The following TMPRSS6 variants were observed in gnomAD, a reference collection of about 807,000 sequenced individuals.
TMPRSS6 encodes the protein transmembrane serine protease 6, also known as transmembrane protease serine 6.
Under a neutral mutation model 101.5 loss-of-function variants are expected in TMPRSS6, and 67 were observed. The ratio of observed to expected loss-of-function variants is 0.66; its 90% CI spans 0.54 to 0.81. The LOEUF (loss-of-function observed/expected upper bound fraction) is 0.81. Ranked by LOEUF, TMPRSS6 falls within the 30% of genes least tolerant of loss-of-function variation. TMPRSS6 has a pLI of 0.00. For missense variants in TMPRSS6, 1,034 were observed against 1,088.7 expected (o/e 0.95, Z 0.71); for synonymous variants, 453 against 464.9 (o/e 0.97, Z 0.33).
Position 37,103,604 on chromosome 22 carries a change from C to A in TMPRSS6, c.-1-186G>T. On this transcript the variant is annotated intron_variant, in intron 1 of 17. Transcript: ENST00000676104. This position sits in a 1 kb window ranked among gnomAD's most constrained non-coding sequence, Gnocchi z 4.4. Reference sequence around the variant, plus strand: ...CAGAGGAGGGAAGTGCATCTCAGGTCAGCTCGCACCAGAGGGCAGGCACCA... The same window carrying A: ...CAGAGGAGGGAAGTGCATCTCAGGTAAGCTCGCACCAGAGGGCAGGCACCA... 2 of 1,608,734 alleles carry A rather than the reference C, an allele frequency of 1.2e-6. No individual in the cohort carries two copies. The highest frequency in any genetic ancestry group is 2.2e-5 in the South Asian group (2 of 90,938).
chr22:37,086,941 C>T (rs1928838589), intron 7 of TMPRSS6, among the ~76,000 whole-genome samples: 1 of 152,184 alleles, frequency 6.6e-6, no homozygotes, highest in Non-Finnish European at 1.5e-5. Flanking sequence ...GAACAAATAA[C>T]CGTATCTTAG....
At position 37,089,732 on chromosome 22, in the gene TMPRSS6, C is replaced by A; in HGVS notation, c.682G>T (p.Gly228Trp). The change falls in exon 7 of 18, where the codon GGG (glycine) becomes TGG (tryptophan). Residue 228 changes from glycine to tryptophan, a missense_variant. Gly to Trp is a radical substitution (Grantham distance 184, BLOSUM62 -2). Transcript: ENST00000676104. ...VGQGQVLRLK[G>W]PDHLASSCLW... ...CAGCTGGAGGCCAGGTGGTCAGGCC[C>A]CTTCAGCCGGAGGACCTGGCCCTGG... The A allele has an allele frequency of 1.2e-6, 2 of 1,612,576 alleles. No homozygotes were observed. Among genetic ancestry groups the A allele is most frequent in the African/African-American group, 1.3e-5 (1 of 75,056 alleles).
rs894758653 is a variant in TMPRSS6 at position 37,075,413 on chromosome 22, C to G, written c.1197-133G>C. ...CGCTGTGCCTCCTCTGCCCTGATTT[C>G]TCCCTTAGATGAGTGCACCCCCAGA... On this transcript the variant is annotated intron_variant, in intron 10 of 17. Transcript: ENST00000676104. 4.8e-6 allele frequency: 6 copies of G among 1,245,924 alleles called. No individual in the cohort carries two copies. In the African/African-American group the frequency reaches 8.9e-5, roughly 18 times the overall value. The allele number at this position is 1,245,924 out of a possible 1,614,324, so 77.2% of individuals were successfully genotyped here.
chr22:37,094,835 C>T (rs111629006), intron 6 of TMPRSS6, among the ~76,000 whole-genome samples: 2,509 of 152,274 alleles, frequency 0.016, 27 homozygotes, highest in Non-Finnish European at 0.024. Context: ...ACGCTCACCC[C>T]CACCTTGGCT....
At chr22:37,070,284 T>C (rs919343119) in intron 15 of TMPRSS6, among the ~76,000 whole-genome samples, 200 bp downstream of exon 15, 1 of 152,152 alleles carries the variant, frequency 6.6e-6, no homozygotes, top group Admixed American at 6.5e-5. Context: ...CAAAAGTAGA[T>C]GGCAGAGAGG....
At chr22:37,108,358 C>T (rs1264228355) in intron 1 of TMPRSS6, among the ~76,000 whole-genome samples, 1 of 152,198 alleles carries the variant, frequency 6.6e-6, no homozygotes, top group Non-Finnish European at 1.5e-5. Context: ...CTAGAAGGGG[C>T]GGCTGCCCCT....
rs1929847689 is a variant in TMPRSS6, at chr22:37,097,242, GGGCAGCCTCA to G, written c.337-537_337-528del. ...ACCCCTACCTCATGGAGGAGGAAAC[GGGCAGCCTCA>G]GGCTGGGTCCCTCAGAAGCAGACCC... is the stretch of plus-strand genomic sequence containing the variant. On this transcript the variant is annotated intron_variant, in intron 3 of 17. Coordinates refer to ENST00000676104, the MANE Select transcript of TMPRSS6 (RefSeq NM_001374504.1). 2.0e-5 allele frequency among the ~76,000 whole-genome samples: 3 copies of G among 152,226 alleles called. No individual in the cohort carries two copies. The South Asian group carries it at 6.2e-4, about 31-fold the overall frequency.
At chr22:37,094,163 A>G (rs1929526785) in intron 6 of TMPRSS6, among the ~76,000 whole-genome samples, 1 of 152,126 alleles carries the variant, frequency 6.6e-6, no homozygotes, top group African/African-American at 2.4e-5. Context: ...CTCAGGAGTA[A>G]TATCTCTGAC....
rs1188133885 is a variant in TMPRSS6, at chr22:37,070,540, C to T, written c.1785G>A (p.Gly595=). Residue 595 remains glycine, a synonymous_variant, in exon 15 of 18, where the codon GGG becomes GGA. Coordinates refer to ENST00000676104, the MANE Select transcript of TMPRSS6 (RefSeq NM_001374504.1). ...TCACCCAGCGGTCAGCGATGAGGGCCCCCCCACAGATGTGTCGACCCCGAA... is the reference window on the plus strand; with the variant it reads ...TCACCCAGCGGTCAGCGATGAGGGCTCCCCCACAGATGTGTCGACCCCGAA... The part of the protein sequence containing the change: ...LQVRGRHICG[G]ALIADRWVIT... 1 of 1,613,404 alleles carries T rather than the reference C, an allele frequency of 6.2e-7. No individual in the cohort carries two copies. Among genetic ancestry groups the T allele is most frequent in the Non-Finnish European group, 8.5e-7 (1 of 1,180,018 alleles).
chr22:37,103,296 T>G lies in TMPRSS6; in HGVS notation c.122A>C (p.Tyr41Ser). The change falls in exon 2 of 18, where the codon TAC (tyrosine) becomes TCC (serine). Residue 41 changes from tyrosine to serine, a missense_variant. Coordinates refer to ENST00000676104, the MANE Select transcript of TMPRSS6 (RefSeq NM_001374504.1). This position sits in a 1 kb window ranked among gnomAD's most constrained non-coding sequence, Gnocchi z 4.4. ...CACAAACAGGGGCACCAGGCGGAGG[T>G]AGCCCCGGGCTTTTCTCTTGGAGTC... Reference protein sequence around the residue: ...CEDSKRKARGYLRLVPLFVLL... With the variant: ...CEDSKRKARGSLRLVPLFVLL... 6 of 1,614,038 alleles carry G rather than the reference T, an allele frequency of 3.7e-6. No homozygotes were observed. The highest frequency in any genetic ancestry group is 5.1e-6 in the Non-Finnish European group (6 of 1,179,974).
rs1229930960 is a variant in TMPRSS6, at chr22:37,069,876, A to C, written c.1842-532T>G. Among the ~76,000 whole-genome samples the C allele has an allele frequency of 6.6e-6, 1 of 152,142 alleles. No homozygotes were observed. The highest frequency in any genetic ancestry group is 1.5e-5 in the Non-Finnish European group (1 of 68,008). ...GGGTCTCTACCCTCTACCTGAGGGC[A>C]GTGGGGAGCCTGAGATGGGGTTAAA... is the stretch of plus-strand genomic sequence containing the variant. On this transcript the variant is annotated intron_variant, in intron 15 of 17. Coordinates refer to ENST00000676104, the MANE Select transcript of TMPRSS6 (RefSeq NM_001374504.1). The surrounding 1 kb of genome is among the most constrained non-coding windows in gnomAD (Gnocchi z 4.8).
intron 7 of TMPRSS6, among the ~76,000 whole-genome samples, chr22:37,088,760 G>A (rs977111262): frequency 1.1e-4 from 16 of 152,150 alleles, no homozygotes; most frequent in African/African-American, 1.7e-4. Flanking sequence ...TGCCTTTTGC[G>A]GCCCAGTCCC....
chr22:37,096,752 TGCAGG>T, intron 3 of TMPRSS6, 37 bp from the exon 4 acceptor site: 1 of 1,552,188 alleles, frequency 6.4e-7, no homozygotes, highest in Non-Finnish European at 8.7e-7. Context: ...TGGGACCCTC[TGCAGG>T]GCAGACAGGC....
intron 9 of TMPRSS6, 71 bp from the exon 10 acceptor site, chr22:37,084,475 A>T: frequency 1.8e-6 from 2 of 1,127,744 alleles, no homozygotes; most frequent in South Asian, 2.6e-5. Context: ...CCTCCCTAAC[A>T]ACAAAGAGAA....
In TMPRSS6 at chr22:37,101,061, G is replaced by A. The variant is rs1382890073; in HGVS notation, c.202+2155C>T. ...GGAGCCAGGTTGGAAAGGGCACAGAGAGACTGGGTGTGTGGACTGACAGCT... is the reference window on the plus strand; with the variant it reads ...GGAGCCAGGTTGGAAAGGGCACAGAAAGACTGGGTGTGTGGACTGACAGCT... On this transcript the variant is annotated intron_variant, in intron 2 of 17. Coordinates refer to ENST00000676104, the MANE Select transcript of TMPRSS6 (RefSeq NM_001374504.1). The surrounding 1 kb of genome is among the most constrained non-coding windows in gnomAD (Gnocchi z 4.1). 6.6e-6 allele frequency among the ~76,000 whole-genome samples: 1 copy of A among 152,252 alleles called. No homozygotes were observed. Among genetic ancestry groups the A allele is most frequent in the East Asian group, 1.9e-4 (1 of 5,180 alleles).
intron 8 of TMPRSS6, among the ~76,000 whole-genome samples, 174 bp downstream of exon 8, chr22:37,086,109 C>T (rs1928732225): frequency 2.4e-5 from 3 of 126,148 alleles, no homozygotes; most frequent in Admixed American, 9.4e-5. Context: ...GTGCAAACGA[C>T]GGAAGGAAGA....
intron 6 of TMPRSS6, 56 bp downstream of exon 6, chr22:37,095,495 T>A: frequency 6.2e-7 from 1 of 1,601,112 alleles, no homozygotes; most frequent in African/African-American, 1.4e-5. Flanking sequence ...CACAACAAAG[T>A]CAAGACAAAT....
intron 9 of TMPRSS6, 141 bp from the exon 10 acceptor site, chr22:37,084,545 C>T: frequency 1.2e-6 from 1 of 814,698 alleles, no homozygotes. Context: ...ACAGGCATTG[C>T]TGTGACCCAC....
intron 10 of TMPRSS6, 34 bp from the exon 11 acceptor site, chr22:37,075,314 T>A: frequency 6.2e-7 from 1 of 1,611,982 alleles, no homozygotes; most frequent in Non-Finnish European, 8.5e-7. Flanking sequence ...AGGGCTGCAC[T>A]GGCTGGTCTC....
Sources: gnomAD v4.1 joint callset for allele counts (sites outside exome capture counted in the v4.1 genomes callset) on GRCh38, gnomAD v4.1.1 for gene constraint, Gnocchi (gnomAD v3.1) non-coding constraint, MANE v1.5 for transcripts, NCBI Gene and HGNC (gene_info 2026-07-23, HGNC 2026-07-21) for gene names.